HTR2C: variants seen among roughly 807,000 people sequenced by gnomAD.
HTR2C encodes 5-hydroxytryptamine receptor 2C.
Under a neutral mutation model 21.0 loss-of-function variants are expected in HTR2C, and 5 were observed. The ratio of observed to expected loss-of-function variants is 0.24; its 90% CI spans 0.12 to 0.50. The LOEUF (loss-of-function observed/expected upper bound fraction) is 0.50. Ranked by LOEUF, HTR2C falls within the 20% of genes least tolerant of loss-of-function variation. The pLI, the probability that HTR2C is intolerant of heterozygous loss-of-function variation, is 0.98. For synonymous variants in HTR2C, 150 were observed against 145.3 expected (o/e 1.03, Z -0.23); for missense variants, 271 against 371.2 (o/e 0.73, Z 2.22).
Position 114,907,446 on chromosome X carries a change from C to T in HTR2C, c.*31C>T, listed in dbSNP as rs1556487437. The T allele has an allele frequency of 1.1e-5, 12 of 1,051,227 alleles. No individual in the cohort carries two copies. Among genetic ancestry groups the T allele is most frequent in the Non-Finnish European group, 1.6e-5 (12 of 759,368 alleles). 86.6% of individuals were successfully genotyped at this position (1,051,227 alleles called of 1,213,427 possible). ...AACAGCACAGTCTTTTCCTACGGTA[C>T]AAGCTACATATGTAGGAAAATTTTC... On this transcript the variant is annotated 3_prime_UTR_variant, in exon 6 of 6. Transcript: ENST00000276198.
intron 2 of HTR2C, among the ~76,000 whole-genome samples, chrX:114,638,523 T>TTTATTA: frequency 3.9e-5 from 1 of 25,948 alleles, no homozygotes; most frequent in East Asian, 2.7e-3. Flanking sequence ...TTATTTATTA[T>TTTATTA]TTTTTTCTTT....
chrX:114,906,448 A>C (rs1221772218), intron 5 of HTR2C, 141 bp from the exon 6 acceptor site: 16 of 453,331 alleles, frequency 3.5e-5, no homozygotes, highest in Non-Finnish European at 5.7e-5. Context: ...TCATGTGACT[A>C]TCGATTATGC....
chrX:114,744,189 T>A (rs781974682), intron 4 of HTR2C, among the ~76,000 whole-genome samples: 6 of 110,469 alleles, frequency 5.4e-5, no homozygotes, highest in African/African-American at 2.0e-4. Context: ...TGTTTGTCAA[T>A]TGTATCCAGT....
intron 4 of HTR2C, chrX:114,775,334 A>G (rs1235265446): frequency 1.1e-4 from 60 of 531,284 alleles, no homozygotes; most frequent in Non-Finnish European, 2.0e-4. Flanking sequence ...CATCAATGTC[A>G]AAAGTGACTT....
chrX:114,853,207 T>G (rs1306766635), intron 5 of HTR2C, among the ~76,000 whole-genome samples: 1 of 111,768 alleles, frequency 8.9e-6, no homozygotes, highest in African/African-American at 3.2e-5. Flanking sequence ...GTTTTAAGTG[T>G]CCTTTTGCTC....
At position 114,770,265 on chromosome X, in the gene HTR2C, G is replaced by A. The variant is rs60943713; in HGVS notation, c.349+38658G>A. 7.9e-3 allele frequency among the ~76,000 whole-genome samples: 874 copies of A among 111,145 alleles called. 15 individuals are homozygous for A. The highest frequency in any genetic ancestry group is 0.027 in the African/African-American group (814 of 30,634). ...AAATTAGTGTCTTCTATCAAATTTG[G>A]GAAAATTTCAGCCATTGTTTTTTCA... On this transcript the variant is annotated intron_variant, in intron 4 of 5. Coordinates refer to ENST00000276198, the MANE Select transcript of HTR2C (RefSeq NM_000868.4).
chrX:114,687,332 C>T (rs945462546), intron 2 of HTR2C, among the ~76,000 whole-genome samples: 30 of 112,078 alleles, frequency 2.7e-4, no homozygotes, highest in Admixed American at 2.9e-4. Context: ...AAAATGTATT[C>T]GTGTTTTACA....
At chrX:114,803,039 T>G (rs1437321006) in intron 4 of HTR2C, among the ~76,000 whole-genome samples, 1 of 85,792 alleles carries the variant, frequency 1.2e-5, no homozygotes, top group African/African-American at 4.2e-5. Flanking sequence ...ATTTCATCCA[T>G]GTCCCTACAA....
intron 2 of HTR2C, among the ~76,000 whole-genome samples, chrX:114,663,100 G>T (rs4911805): frequency 9.0e-6 from 1 of 111,334 alleles, no homozygotes; most frequent in East Asian, 2.8e-4. Context: ...TTGAAGTGCC[G>T]TAGGTCTCAC....
intron 4 of HTR2C, among the ~76,000 whole-genome samples, chrX:114,771,467 A>G (rs2041981248): frequency 9.0e-6 from 1 of 111,305 alleles, no homozygotes; most frequent in Non-Finnish European, 1.9e-5. Flanking sequence ...TTCCAAGGAG[A>G]TTTTTGTGGG....
chrX:114,719,949 A>G (rs1933132176), intron 2 of HTR2C, among the ~76,000 whole-genome samples: 1 of 111,937 alleles, frequency 8.9e-6, no homozygotes, highest in Non-Finnish European at 1.9e-5. Context: ...ACCTTTAAAA[A>G]TTATACTAAT....
At chrX:114,672,020 C>T (rs1483566720) in intron 2 of HTR2C, among the ~76,000 whole-genome samples, 1 of 111,323 alleles carries the variant, frequency 9.0e-6, no homozygotes, top group African/African-American at 3.3e-5. Context: ...AAAAAGGTCA[C>T]TACTATTTAT....
chrX:114,772,041 C>T (rs782169652), intron 4 of HTR2C, among the ~76,000 whole-genome samples: 2 of 112,291 alleles, frequency 1.8e-5, no homozygotes, highest in Admixed American at 9.5e-5. Context: ...GTGAAAACAA[C>T]ATAGATCCCA....
At chrX:114,813,510 A>G (rs191804264) in intron 4 of HTR2C, among the ~76,000 whole-genome samples, 5 of 112,304 alleles carry the variant, frequency 4.5e-5, no homozygotes, top group Non-Finnish European at 7.5e-5. Context: ...ATTTTAATGT[A>G]GAGGAATCTG....
intron 2 of HTR2C, among the ~76,000 whole-genome samples, chrX:114,640,237 C>T (rs1476116232): frequency 9.0e-6 from 1 of 111,388 alleles, no homozygotes; most frequent in Non-Finnish European, 1.9e-5. Flanking sequence ...AATCCTCGAA[C>T]CATAAAAAGT....
At chrX:114,714,252 A>G (rs183145358) in intron 2 of HTR2C, among the ~76,000 whole-genome samples, 248 of 112,057 alleles carry the variant, frequency 2.2e-3, no homozygotes, top group African/African-American at 7.7e-3. Context: ...CCATAAACAG[A>G]TTCTACCTGA....
chrX:114,773,454 A>G (rs1158692040), intron 4 of HTR2C, among the ~76,000 whole-genome samples: 1 of 112,270 alleles, frequency 8.9e-6, no homozygotes, highest in East Asian at 2.8e-4. Context: ...GTTTTCCAAA[A>G]GTTAAATTTT....
At chrX:114,686,754 T>C in intron 2 of HTR2C, among the ~76,000 whole-genome samples, 1 of 110,968 alleles carries the variant, frequency 9.0e-6, no homozygotes, top group South Asian at 3.7e-4. Flanking sequence ...CATCAATGGA[T>C]ATAACTGTAA....
chrX:114,615,060 C>T (rs1351971807), intron 2 of HTR2C, among the ~76,000 whole-genome samples: 3 of 111,168 alleles, frequency 2.7e-5, no homozygotes, highest in Admixed American at 1.9e-4. Context: ...TTAATATATA[C>T]GCATTAGATT....
Sources: gnomAD v4.1 joint callset for allele counts (sites outside exome capture counted in the v4.1 genomes callset) on GRCh38, gnomAD v4.1.1 for gene constraint, MANE v1.5 for transcripts, NCBI Gene and HGNC (gene_info 2026-07-23, HGNC 2026-07-21) for gene names.